The following GADL1 variants were observed in gnomAD, a reference collection of about 807,000 sequenced individuals.
The protein encoded by GADL1 is acidic amino acid decarboxylase GADL1.
In GADL1, 71 loss-of-function variants were observed where a neutral mutation model predicts 69.5. The observed-to-expected ratio is 1.02, with a 90% CI of 0.84 to 1.25. The LOEUF (loss-of-function observed/expected upper bound fraction) is 1.25, where lower values mean the gene tolerates loss of function less well. Ranked by LOEUF, GADL1 falls within the 50% of genes most tolerant of loss-of-function variation. GADL1 has a pLI of 0.00. For missense variants in GADL1, 737 were observed against 631.8 expected (o/e 1.17, Z -1.79); for synonymous variants, 254 against 214.4 (o/e 1.18, Z -1.62).
At chr3:30,873,030 A>G (rs1170282469) in intron 1 of GADL1, among the ~76,000 whole-genome samples, 1 of 151,990 alleles carries the variant, frequency 6.6e-6, no homozygotes, top group South Asian at 2.1e-4. Flanking sequence ...ATAATTCTGG[A>G]TGCTTGAGGT....
chr3:30,783,984 C>A (rs1203071498), intron 13 of GADL1, among the ~76,000 whole-genome samples: 2 of 152,088 alleles, frequency 1.3e-5, no homozygotes, highest in East Asian at 3.9e-4. Context: ...TTCATAAGCA[C>A]TATAGCTCCC....
In GADL1 at chr3:30,728,427, G is replaced by A. The variant is rs1484998504; in HGVS notation, c.1393-12C>T. On this transcript the variant is annotated splice_polypyrimidine_tract_variant and intron_variant, in intron 14 of 14. Transcript: ENST00000282538. Reference sequence around the variant, plus strand: ...ATGGCTGGGGCCACCTGTGTGGGGAGAAAAGGGGAGAGGGGTGAAAGACCA... The same window carrying A: ...ATGGCTGGGGCCACCTGTGTGGGGAAAAAAGGGGAGAGGGGTGAAAGACCA... 1 of 1,610,902 alleles carries A rather than the reference G, an allele frequency of 6.2e-7. No individual in the cohort carries two copies.
chr3:30,846,936 C>T (rs866117345), intron 6 of GADL1, among the ~76,000 whole-genome samples: 2 of 152,152 alleles, frequency 1.3e-5, no homozygotes, highest in African/African-American at 2.4e-5. Context: ...CCTCTCCTGG[C>T]CTAAGCCCTG....
intron 11 of GADL1, among the ~76,000 whole-genome samples, chr3:30,826,709 G>A (rs1167493612): frequency 2.0e-5 from 3 of 151,030 alleles, no homozygotes; most frequent in Non-Finnish European, 4.4e-5. Flanking sequence ...GTCAAGAGAG[G>A]ACCCAGGGAG....
chr3:30,819,095 A>AG (rs1214573066), intron 11 of GADL1, among the ~76,000 whole-genome samples: 3 of 151,938 alleles, frequency 2.0e-5, no homozygotes, highest in Admixed American at 6.6e-5. Flanking sequence ...TGGGAGATTG[A>AG]GGGGGAGGCT....
chr3:30,791,891 C>T (rs1209613229), intron 12 of GADL1, among the ~76,000 whole-genome samples: 2 of 152,142 alleles, frequency 1.3e-5, no homozygotes, highest in South Asian at 2.1e-4. Context: ...AGTTCCCCTG[C>T]AGATGCTCTT....
intron 8 of GADL1, among the ~76,000 whole-genome samples, chr3:30,843,177 G>T (rs1026938755): frequency 2.0e-5 from 3 of 150,694 alleles, no homozygotes; most frequent in Admixed American, 6.6e-5. Context: ...AGCAGGCAGC[G>T]GTGGGATGGG....
At chr3:30,859,094 G>A (rs1163080937) in intron 2 of GADL1, among the ~76,000 whole-genome samples, 7 of 151,952 alleles carry the variant, frequency 4.6e-5, no homozygotes, top group South Asian at 4.1e-4. Context: ...AGGTGGGGGC[G>A]GAGGCCAGAT....
chr3:30,861,135 T>A (rs2125536720), intron 2 of GADL1, among the ~76,000 whole-genome samples: 1 of 152,072 alleles, frequency 6.6e-6, no homozygotes, highest in East Asian at 1.9e-4. Flanking sequence ...TTAGACAAGC[T>A]CTTCATAAGG....
chr3:30,749,979 G>C (rs1041479171), intron 14 of GADL1, among the ~76,000 whole-genome samples: 2 of 152,150 alleles, frequency 1.3e-5, no homozygotes, highest in South Asian at 2.1e-4. Flanking sequence ...AGGAGGTTTT[G>C]TACTTTAGAC....
At chr3:30,787,466 G>A (rs1016365489) in intron 12 of GADL1, among the ~76,000 whole-genome samples, 1 of 152,098 alleles carries the variant, frequency 6.6e-6, no homozygotes, top group Non-Finnish European at 1.5e-5. Flanking sequence ...AGTGATTCAC[G>A]AGCCTTTGAA....
chr3:30,772,634 T>C (rs1696441819), intron 14 of GADL1, among the ~76,000 whole-genome samples: 1 of 152,086 alleles, frequency 6.6e-6, no homozygotes, highest in African/African-American at 2.4e-5. Flanking sequence ...CCAAGCACTT[T>C]GGGGGGCTGA....
intron 14 of GADL1, among the ~76,000 whole-genome samples, chr3:30,746,001 T>C (rs1319724591): frequency 6.7e-6 from 1 of 150,356 alleles, no homozygotes; most frequent in Non-Finnish European, 1.5e-5. Flanking sequence ...TTCTTCTTTT[T>C]TCCTTTTATT....
intron 1 of GADL1, among the ~76,000 whole-genome samples, chr3:30,892,491 A>G (rs1045736441): frequency 2.6e-5 from 4 of 152,310 alleles, no homozygotes; most frequent in African/African-American, 9.6e-5. Context: ...CAACCCAAGA[A>G]TTGTGGTGTT....
In GADL1 at chr3:30,765,423, C is replaced by T. The variant is rs141909613; in HGVS notation, c.1392+12756G>A. 3.2e-4 allele frequency among the ~76,000 whole-genome samples: 49 copies of T among 152,094 alleles called. No individual in the cohort carries two copies. The East Asian group carries it at 5.4e-3, about 17-fold the overall frequency. The stretch of plus-strand genomic sequence containing the variant: ...AAGCCACAATAAGCATATAAGTTGC[C>T]CAAATGAAGTTCATGCCTTATTTTG... On this transcript the variant is annotated intron_variant, in intron 14 of 14. Transcript: ENST00000282538.
intron 14 of GADL1, among the ~76,000 whole-genome samples, chr3:30,729,936 A>T (rs1695429794): frequency 6.6e-6 from 1 of 152,252 alleles, no homozygotes; most frequent in Non-Finnish European, 1.5e-5. Context: ...ATCACAAGAT[A>T]TGAAAAGAAA....
At chr3:30,871,042 AGTGTGTGTGTGTGTGT>A (rs4016178) in intron 1 of GADL1, among the ~76,000 whole-genome samples, 5 of 141,478 alleles carry the variant, frequency 3.5e-5, no homozygotes, top group South Asian at 2.4e-4. Flanking sequence ...AAGGCAGAAA[AGTGTGTGTGTGTGTGT>A]GTGTGTGTGT....
intron 6 of GADL1, among the ~76,000 whole-genome samples, chr3:30,845,125 T>C (rs1698033140): frequency 6.6e-6 from 1 of 152,138 alleles, no homozygotes; most frequent in Non-Finnish European, 1.5e-5. Context: ...CCCAAGAATG[T>C]GGCTAAAATC....
chr3:30,782,968 C>T (rs1049281710), intron 13 of GADL1, among the ~76,000 whole-genome samples: 1 of 152,076 alleles, frequency 6.6e-6, no homozygotes, highest in African/African-American at 2.4e-5. Flanking sequence ...AGAAAAATCA[C>T]AATGTGCTTG....
Sources: gnomAD v4.1 joint callset for allele counts (sites outside exome capture counted in the v4.1 genomes callset) on GRCh38, gnomAD v4.1.1 for gene constraint, MANE v1.5 for transcripts, NCBI Gene and HGNC (gene_info 2026-07-23, HGNC 2026-07-21) for gene names.